Variants in XRCC4 observed in about 807,000 individuals in gnomAD.
XRCC4 encodes the protein X-ray repair cross complementing 4.
A neutral mutation model predicts 39.1 loss-of-function variants in XRCC4; 28 were observed. That is an observed-to-expected ratio of 0.72 (90% CI 0.53 to 0.98). The LOEUF (loss-of-function observed/expected upper bound fraction) is 0.98. Ranked by LOEUF, XRCC4 falls within the 50% of genes least tolerant of loss-of-function variation. The pLI is 0.00. For synonymous variants in XRCC4, 123 were observed against 126.4 expected (o/e 0.97, Z 0.18); for missense variants, 350 against 376.4 (o/e 0.93, Z 0.58).
chr5:83,097,882 G>A (rs373042543), intron 1 of XRCC4, among the ~76,000 whole-genome samples: 1 of 152,170 alleles, frequency 6.6e-6, no homozygotes, highest in African/African-American at 2.4e-5. Context: ...AAGAGTGGCC[G>A]CTCAATGAAT....
At chr5:83,218,163 C>T (rs1293959817) in intron 6 of XRCC4, among the ~76,000 whole-genome samples, 1 of 150,942 alleles carries the variant, frequency 6.6e-6, no homozygotes, top group African/African-American at 2.4e-5. Context: ...TGGTGTGCTG[C>T]ACCCATTAAC....
chr5:83,339,059 C>G (rs1266211750), intron 7 of XRCC4, among the ~76,000 whole-genome samples: 1 of 152,168 alleles, frequency 6.6e-6, no homozygotes, highest in African/African-American at 2.4e-5. Flanking sequence ...GCCTCATCTA[C>G]ACAGCAAATT....
intron 3 of XRCC4, among the ~76,000 whole-genome samples, chr5:83,141,630 C>CT (rs1561357998): frequency 8.8e-6 from 1 of 113,584 alleles, no homozygotes; most frequent in East Asian, 2.0e-4. Context: ...TTGTTTGTGT[C>CT]TTTTTCCTCT....
chr5:83,224,947 C>A (rs757011093), intron 6 of XRCC4, among the ~76,000 whole-genome samples: 20 of 152,102 alleles, frequency 1.3e-4, no homozygotes, highest in Non-Finnish European at 8.8e-5. Flanking sequence ...CAAAACACTA[C>A]TTTATTTAGG....
chr5:83,156,221 C>T (rs763928674), intron 3 of XRCC4, among the ~76,000 whole-genome samples: 3 of 150,468 alleles, frequency 2.0e-5, no homozygotes, highest in Non-Finnish European at 4.4e-5. Context: ...AATTCGTGTG[C>T]AGTTATTTTA....
intron 3 of XRCC4, among the ~76,000 whole-genome samples, chr5:83,188,359 T>C (rs548610414): frequency 6.6e-6 from 1 of 152,158 alleles, no homozygotes; most frequent in East Asian, 1.9e-4. Flanking sequence ...TTGGCAGGGC[T>C]GTGGTGCCCA....
At chr5:83,083,224 C>A (rs1248607922) in intron 1 of XRCC4, among the ~76,000 whole-genome samples, 1 of 151,858 alleles carries the variant, frequency 6.6e-6, no homozygotes, top group Non-Finnish European at 1.5e-5. Flanking sequence ...TAATTGTGTT[C>A]CCCTATTAAA....
At chr5:83,274,561 C>T in intron 7 of XRCC4, among the ~76,000 whole-genome samples, 1 of 152,136 alleles carries the variant, frequency 6.6e-6, no homozygotes. Context: ...AACATGGACA[C>T]ATTGTAAAAT....
chr5:83,190,835 A>G (rs1750661734), intron 3 of XRCC4, among the ~76,000 whole-genome samples: 1 of 152,180 alleles, frequency 6.6e-6, no homozygotes, highest in Non-Finnish European at 1.5e-5. Flanking sequence ...TTTCAAATCT[A>G]TGTATTATGA....
chr5:83,134,387 T>G (rs1372035225), intron 3 of XRCC4, among the ~76,000 whole-genome samples: 1 of 152,166 alleles, frequency 6.6e-6, no homozygotes, highest in Non-Finnish European at 1.5e-5. Flanking sequence ...TTCAGCACTC[T>G]GTGTCTAGCT....
chr5:83,291,001 A>G (rs543873258), intron 7 of XRCC4, among the ~76,000 whole-genome samples: 1 of 152,054 alleles, frequency 6.6e-6, no homozygotes, highest in African/African-American at 2.4e-5. Context: ...AAATCAACAG[A>G]TGAATGTGAA....
At chr5:83,138,133 C>T (rs1426832615) in intron 3 of XRCC4, among the ~76,000 whole-genome samples, 1 of 152,016 alleles carries the variant, frequency 6.6e-6, no homozygotes, top group African/African-American at 2.4e-5. Context: ...CTACATGATG[C>T]CATTGGGGTG....
chr5:83,341,950 G>A (rs1404484229), intron 7 of XRCC4, among the ~76,000 whole-genome samples: 2 of 152,206 alleles, frequency 1.3e-5, no homozygotes, highest in Non-Finnish European at 2.9e-5. Flanking sequence ...AGGCTAGTGA[G>A]GGAAGTTTCG....
intron 3 of XRCC4, among the ~76,000 whole-genome samples, chr5:83,118,015 CAT>C (rs1381614600): frequency 1.4e-5 from 2 of 145,168 alleles, no homozygotes; most frequent in African/African-American, 2.6e-5. Flanking sequence ...TGATTTAATA[CAT>C]ATATATATGT....
chr5:83,284,382 T>C (rs1466346933), intron 7 of XRCC4, among the ~76,000 whole-genome samples: 1 of 152,128 alleles, frequency 6.6e-6, no homozygotes, highest in Non-Finnish European at 1.5e-5. Context: ...TGTTAATCTT[T>C]CAGATGTGTA....
intron 7 of XRCC4, among the ~76,000 whole-genome samples, chr5:83,327,590 A>C (rs1756305879): frequency 6.6e-6 from 1 of 152,098 alleles, no homozygotes; most frequent in African/African-American, 2.4e-5. Context: ...ATGTATATAA[A>C]ATTTTCAAAT....
Position 83,183,449 on chromosome 5 carries a change from TGTGTGG to T in XRCC4, c.316-12320_316-12315del, listed in dbSNP as rs1367985157. Among the ~76,000 whole-genome samples, 2 of 145,076 alleles carry T rather than the reference TGTGTGG, an allele frequency of 1.4e-5. 1 individual carries two copies. Among genetic ancestry groups the T allele is most frequent in the Non-Finnish European group, 3.0e-5 (2 of 66,662 alleles). On this transcript the variant is annotated intron_variant, in intron 3 of 7. Coordinates refer to ENST00000396027, the MANE Select transcript of XRCC4 (RefSeq NM_003401.5). ...GTGTGTGTGTGTGTGTGTGTGTGTG[TGTGTGG>T]CACATCAAGCCTGTAAGTGTGGTTT...
At chr5:83,084,912 A>AATC (rs1745111626) in intron 1 of XRCC4, among the ~76,000 whole-genome samples, 2 of 152,190 alleles carry the variant, frequency 1.3e-5, no homozygotes. Context: ...CAAAAAAGGA[A>AATC]ATCGATTAGC....
downstream of XRCC4, among the ~76,000 whole-genome samples, chr5:83,356,345 A>G (rs1757189940): frequency 2.0e-5 from 3 of 152,168 alleles, no homozygotes. Flanking sequence ...CTATCTATAT[A>G]TATAGATATA....
Sources: gnomAD v4.1 joint callset for allele counts (sites outside exome capture counted in the v4.1 genomes callset) on GRCh38, gnomAD v4.1.1 for gene constraint, MANE v1.5 for transcripts, NCBI Gene and HGNC (gene_info 2026-07-23, HGNC 2026-07-21) for gene names.